TTC39C: variants seen among roughly 807,000 people sequenced by gnomAD.
The protein encoded by TTC39C is tetratricopeptide repeat domain 39C.
TTC39C carries 33 observed loss-of-function variants against 76.3 expected under a neutral mutation model. That is an observed-to-expected ratio of 0.43 (90% CI 0.33 to 0.58). TTC39C has a LOEUF of 0.58. TTC39C is among the 20% of genes least tolerant of loss of function. The pLI is 0.04. For synonymous variants in TTC39C, 254 were observed against 260.6 expected, an observed-to-expected ratio of 0.97 and a Z score of 0.24; for missense variants, 595 against 701.4, an observed-to-expected ratio of 0.85 and a Z score of 1.71.
At chr18:24,030,063 C>A (rs2083648740) in intron 1 of TTC39C, among the ~76,000 whole-genome samples, 2 of 152,130 alleles carry the variant, frequency 1.3e-5, no homozygotes, top group Admixed American at 6.5e-5. Flanking sequence ...ACTTTTAGTT[C>A]TTTAAGGAAT....
chr18:24,006,408 T>C (rs2083352351), intron 1 of TTC39C: 1 of 152,208 alleles, frequency 6.6e-6, no homozygotes, highest in African/African-American at 2.4e-5. Flanking sequence ...ATTATTTTCA[T>C]CTTTCTAATT....
intron 8 of TTC39C, among the ~76,000 whole-genome samples, chr18:24,121,363 G>A (rs558201406): frequency 2.6e-5 from 4 of 152,022 alleles, no homozygotes; most frequent in East Asian, 1.9e-4. Flanking sequence ...ACCTGAGGTC[G>A]GGAGTTCGAG....
intron 4 of TTC39C, 34 bp from the exon 5 acceptor site, chr18:24,080,551 T>A: frequency 6.8e-7 from 1 of 1,479,652 alleles, no homozygotes; most frequent in Non-Finnish European, 9.1e-7. Context: ...TTATTTTGAA[T>A]GTTTTTGAAT....
intron 1 of TTC39C, among the ~76,000 whole-genome samples, chr18:24,009,615 A>G (rs1401620217): frequency 6.6e-6 from 1 of 152,184 alleles, no homozygotes; most frequent in Non-Finnish European, 1.5e-5. Context: ...CTATCTGAAG[A>G]CCAACAGAAG....
At chr18:24,019,384 G>A (rs1403823615) in intron 1 of TTC39C, among the ~76,000 whole-genome samples, 2 of 152,158 alleles carry the variant, frequency 1.3e-5, no homozygotes, top group Non-Finnish European at 1.5e-5. Flanking sequence ...AACATGTATC[G>A]TTACTATGAA....
At chr18:24,045,165 A>G (rs918146047) in intron 1 of TTC39C, among the ~76,000 whole-genome samples, 3 of 149,556 alleles carry the variant, frequency 2.0e-5, no homozygotes, top group Non-Finnish European at 3.0e-5. Flanking sequence ...GCTATTTGGG[A>G]GGCTGAGGCA....
Position 24,134,667 on chromosome 18 carries a change from A to G in TTC39C, c.*2093A>G, listed in dbSNP as rs991498038. Reference sequence around the variant, plus strand: ...TTTTTCTCTCTTCTTAACATGCAGCATAGGTGACAAGCTTTTCTGTCATCA... The same window carrying G: ...TTTTTCTCTCTTCTTAACATGCAGCGTAGGTGACAAGCTTTTCTGTCATCA... On this transcript the variant is annotated 3_prime_UTR_variant, in exon 14 of 14. Transcript: ENST00000317571. 6.6e-6 allele frequency: 1 copy of G among 152,166 alleles called. No homozygotes were observed. The highest frequency in any genetic ancestry group is 2.4e-5 in the African/African-American group (1 of 41,434). The allele number at this position is 152,166 out of a possible 1,614,324, so 9.4% of individuals were successfully genotyped here.
rs969928487 is a variant in TTC39C at position 24,046,314 on chromosome 18, A to G, written c.168-17826A>G. Among the ~76,000 whole-genome samples the G allele has an allele frequency of 6.6e-5, 10 of 151,750 alleles. 1 individual carries two copies. The highest frequency in any genetic ancestry group is 2.4e-4 in the African/African-American group (10 of 41,026). ...CCTTTTCCATTTATCATCATGATAC[A>G]GTAACTAGTTTATTGTATGTGCCGA... On this transcript the variant is annotated intron_variant, in intron 1 of 13. Coordinates refer to ENST00000317571, the MANE Select transcript of TTC39C (RefSeq NM_001135993.2).
intron 6 of TTC39C, among the ~76,000 whole-genome samples, chr18:24,083,810 GA>G (rs2084407884): frequency 6.6e-6 from 1 of 152,204 alleles, no homozygotes; most frequent in South Asian, 2.1e-4. Context: ...AGGATTTGTA[GA>G]AAAATGAAAC....
At chr18:24,093,204 G>T (rs898419108) in intron 6 of TTC39C, among the ~76,000 whole-genome samples, 1 of 152,164 alleles carries the variant, frequency 6.6e-6, no homozygotes, top group Non-Finnish European at 1.5e-5. Flanking sequence ...TATTGGCCGG[G>T]TGCAGTGGCT....
In TTC39C at chr18:24,080,567, C is replaced by A. The variant is rs373239839; in HGVS notation, c.461-18C>A. Reference sequence around the variant, plus strand: ...TATTTTGAATGTTTTTGAATCTTTTCTCCCCTTCTCTTTTTAGCTTATATC... The same window carrying A: ...TATTTTGAATGTTTTTGAATCTTTTATCCCCTTCTCTTTTTAGCTTATATC... On this transcript the variant is annotated intron_variant, in intron 4 of 13. Transcript: ENST00000317571. The A allele has an allele frequency of 4.6e-5, 70 of 1,529,000 alleles. No homozygotes were observed. The highest frequency in any genetic ancestry group is 5.8e-5 in the Non-Finnish European group (66 of 1,130,266). The allele number at this position is 1,529,000 out of a possible 1,614,324, so 94.7% of individuals were successfully genotyped here. A position where few individuals can be genotyped will look rare whatever the true frequency, so the allele number is the denominator to read the frequency against.
intron 1 of TTC39C, among the ~76,000 whole-genome samples, chr18:24,001,054 G>A (rs2083307525): frequency 1.3e-5 from 2 of 151,942 alleles, no homozygotes; most frequent in African/African-American, 2.4e-5. Flanking sequence ...TATGTAAAAT[G>A]TAAGAAAATT....
At chr18:24,048,986 C>T (rs533931786) in intron 1 of TTC39C, among the ~76,000 whole-genome samples, 1 of 152,274 alleles carries the variant, frequency 6.6e-6, no homozygotes, top group South Asian at 2.1e-4. Context: ...TCTTAAGACG[C>T]GTTGGCCAAC....
chr18:24,071,293 A>G (rs2084238910), intron 4 of TTC39C, among the ~76,000 whole-genome samples: 1 of 152,218 alleles, frequency 6.6e-6, no homozygotes, highest in Non-Finnish European at 1.5e-5. Context: ...ACAAATAATT[A>G]TAGAGCACAT....
At chr18:24,109,930 C>T (rs946803655) in intron 6 of TTC39C, among the ~76,000 whole-genome samples, 2 of 151,886 alleles carry the variant, frequency 1.3e-5, no homozygotes, top group Non-Finnish European at 2.9e-5. Flanking sequence ...CACTTGAACC[C>T]GGGAGGCAGA....
At chr18:23,997,880 G>GA (rs58696468) in intron 1 of TTC39C, among the ~76,000 whole-genome samples, 6,728 of 118,240 alleles carry the variant, frequency 0.057, 466 homozygotes, top group African/African-American at 0.18. Context: ...TCTGAAAAAA[G>GA]AAAAAAAAAA....
intron 1 of TTC39C, among the ~76,000 whole-genome samples, chr18:24,045,939 T>A (rs1429410925): frequency 6.5e-5 from 6 of 91,716 alleles, no homozygotes; most frequent in Non-Finnish European, 1.1e-4. Flanking sequence ...TTTTTTTTTT[T>A]TTTTTTTTTT....
intron 1 of TTC39C, among the ~76,000 whole-genome samples, chr18:24,030,601 G>A (rs951511554): frequency 4.3e-5 from 6 of 138,922 alleles, no homozygotes; most frequent in Non-Finnish European, 6.2e-5. Context: ...TGTGTCGTGT[G>A]TATTTCATCC....
At chr18:24,061,618 C>T (rs2084102586) in intron 1 of TTC39C, among the ~76,000 whole-genome samples, 2 of 71,406 alleles carry the variant, frequency 2.8e-5, no homozygotes, top group Non-Finnish European at 6.9e-5. Context: ...AAAAAAAAAG[C>T]GTGGGCTGGG....
Sources: allele counts gnomAD v4.1 joint callset (sites outside exome capture counted in the v4.1 genomes callset), GRCh38; gene constraint gnomAD v4.1.1; transcripts MANE v1.5; gene names NCBI Gene and HGNC (gene_info 2026-07-23, HGNC 2026-07-21).